The following CNTN4 variants were observed in gnomAD, a reference collection of about 807,000 sequenced individuals.
CNTN4 encodes contactin-4.
A neutral mutation model predicts 122.5 loss-of-function variants in CNTN4; 77 were observed. That is an observed-to-expected ratio of 0.63 (90% confidence interval 0.52 to 0.76). The LOEUF is 0.76. CNTN4 is among the 30% of genes least tolerant of loss of function. CNTN4 has a pLI of 0.00. For missense variants in CNTN4, 1,256 were observed against 1,259.1 expected (o/e 1.00, Z 0.04); for synonymous variants, 512 against 447.0 (o/e 1.15, Z -1.83).
chr3:2,876,745 C>A (rs2093849229), intron 8 of CNTN4, among the ~76,000 whole-genome samples: 1 of 152,234 alleles, frequency 6.6e-6, no homozygotes, highest in African/African-American at 2.4e-5. Context: ...TAATAATTGT[C>A]CAGGTTTTGA....
At chr3:3,037,964 G>A (rs1699767929) in intron 18 of CNTN4, among the ~76,000 whole-genome samples, 1 of 152,178 alleles carries the variant, frequency 6.6e-6, no homozygotes, top group Admixed American at 6.5e-5. Flanking sequence ...TGTAAAGCAA[G>A]AGGCCTACAT....
At chr3:2,158,195 TAAA>T (rs548749193) in intron 2 of CNTN4, among the ~76,000 whole-genome samples, 2 of 152,056 alleles carry the variant, frequency 1.3e-5, no homozygotes, top group Admixed American at 6.6e-5. Flanking sequence ...GTTCCAGAAA[TAAA>T]AAAGAAACTT....
At chr3:2,934,062 C>T (rs2094547676) in intron 13 of CNTN4, among the ~76,000 whole-genome samples, 1 of 152,114 alleles carries the variant, frequency 6.6e-6, no homozygotes, top group African/African-American at 2.4e-5. Flanking sequence ...GCGCTTGGTG[C>T]TTCCAAGACC....
At chr3:2,637,312 G>C (rs1209694768) in intron 4 of CNTN4, among the ~76,000 whole-genome samples, 1 of 152,086 alleles carries the variant, frequency 6.6e-6, no homozygotes, top group Admixed American at 6.6e-5. Context: ...GGTACAATTT[G>C]TAAGTGAATG....
chr3:2,504,979 A>C (rs1050887079), intron 3 of CNTN4, among the ~76,000 whole-genome samples: 1 of 152,210 alleles, frequency 6.6e-6, no homozygotes, highest in Non-Finnish European at 1.5e-5. Context: ...CAGGAAACAA[A>C]CAAAAAGAAG....
intron 6 of CNTN4, among the ~76,000 whole-genome samples, chr3:2,795,406 A>T (rs1187156666): frequency 6.6e-6 from 1 of 152,074 alleles, no homozygotes; most frequent in Non-Finnish European, 1.5e-5. Context: ...CCCTTTTCTC[A>T]CAACTCCAGT....
intron 2 of CNTN4, among the ~76,000 whole-genome samples, chr3:2,107,402 G>A (rs2032538243): frequency 6.6e-6 from 1 of 152,156 alleles, no homozygotes; most frequent in Non-Finnish European, 1.5e-5. Context: ...GGAGAGAGAA[G>A]CAAAGGTATA....
At position 2,627,608 on chromosome 3, in the gene CNTN4, T is replaced by C. The variant is rs192628405; in HGVS notation, c.55+56050T>C. On this transcript the variant is annotated intron_variant, in intron 4 of 24. Coordinates refer to ENST00000418658, the MANE Select transcript of CNTN4 (RefSeq NM_175607.3). The stretch of plus-strand genomic sequence containing the variant: ...TCCTGGGTTCAGGCCATTCTCCTGC[T>C]TCAGCCTCCCGAGTAGTTGGGAATA... 6.4e-3 allele frequency among the ~76,000 whole-genome samples: 969 copies of C among 151,364 alleles called. 5 individuals are homozygous for C. Among genetic ancestry groups the C allele is most frequent in the African/African-American group, 0.014 (583 of 41,246 alleles).
intron 3 of CNTN4, among the ~76,000 whole-genome samples, chr3:2,363,880 C>T (rs2045264085): frequency 6.6e-6 from 1 of 152,136 alleles, no homozygotes; most frequent in African/African-American, 2.4e-5. Context: ...AGTAAGGTAA[C>T]ATATAATCTA....
At chr3:2,720,708 T>C (rs1418019474) in intron 4 of CNTN4, among the ~76,000 whole-genome samples, 1 of 152,188 alleles carries the variant, frequency 6.6e-6, no homozygotes, top group African/African-American at 2.4e-5. Context: ...TCCCCCAGCA[T>C]TATAGACTTT....
chr3:2,727,724 C>A (rs1490041124), intron 4 of CNTN4, among the ~76,000 whole-genome samples: 1 of 152,076 alleles, frequency 6.6e-6, no homozygotes, highest in Admixed American at 6.5e-5. Context: ...TGCATGATGG[C>A]GGCAGCATTA....
intron 4 of CNTN4, among the ~76,000 whole-genome samples, chr3:2,730,469 T>C (rs2149455373): frequency 7.4e-6 from 1 of 135,444 alleles, no homozygotes; most frequent in Non-Finnish European, 1.5e-5. Flanking sequence ...ATAGTTTGAC[T>C]TACCTTTTTA....
chr3:2,372,017 C>T (rs1187680364), intron 3 of CNTN4, among the ~76,000 whole-genome samples: 1 of 152,148 alleles, frequency 6.6e-6, no homozygotes, highest in Non-Finnish European at 1.5e-5. Flanking sequence ...GAAACAATTT[C>T]ATCTCATTTA....
intron 6 of CNTN4, among the ~76,000 whole-genome samples, chr3:2,799,576 C>T (rs1400152769): frequency 6.6e-6 from 1 of 152,102 alleles, no homozygotes; most frequent in Non-Finnish European, 1.5e-5. Flanking sequence ...GATTCTCCTG[C>T]CTCAGCCTCC....
intron 14 of CNTN4, among the ~76,000 whole-genome samples, chr3:2,992,446 T>C (rs1695137428): frequency 6.6e-6 from 1 of 152,186 alleles, no homozygotes; most frequent in Non-Finnish European, 1.5e-5. Flanking sequence ...ATTGACATCA[T>C]TAAGAACTCT....
intron 13 of CNTN4, among the ~76,000 whole-genome samples, chr3:2,950,547 G>T (rs2094729295): frequency 6.6e-6 from 1 of 152,202 alleles, no homozygotes; most frequent in African/African-American, 2.4e-5. Context: ...TGCATGACAT[G>T]TGAGCCCAAA....
chr3:2,796,078 G>A (rs767988878), intron 6 of CNTN4, among the ~76,000 whole-genome samples: 18 of 152,186 alleles, frequency 1.2e-4, no homozygotes, highest in African/African-American at 1.7e-4. Flanking sequence ...TTCTTGACCC[G>A]TAAGATGTAA....
intron 3 of CNTN4, among the ~76,000 whole-genome samples, chr3:2,419,549 A>G (rs1391988267): frequency 6.6e-6 from 1 of 152,212 alleles, no homozygotes; most frequent in Non-Finnish European, 1.5e-5. Flanking sequence ...AACATAAGGT[A>G]ACATTGCGAA....
At chr3:2,159,391 T>A (rs1469120569) in intron 2 of CNTN4, among the ~76,000 whole-genome samples, 89 of 152,210 alleles carry the variant, frequency 5.8e-4, no homozygotes, top group Non-Finnish European at 4.4e-5. Flanking sequence ...AATTATCTAC[T>A]TACTCTGACC....
Sources: gnomAD v4.1 joint callset for allele counts (sites outside exome capture counted in the v4.1 genomes callset) on GRCh38, gnomAD v4.1.1 for gene constraint, MANE v1.5 for transcripts, NCBI Gene and HGNC (gene_info 2026-07-23, HGNC 2026-07-21) for gene names.